Variants in ASTN2 observed in about 807,000 individuals in gnomAD.
ASTN2 encodes astrotactin 2.
In ASTN2, 54 loss-of-function variants were observed where a neutral mutation model predicts 139.8. That is an observed-to-expected ratio of 0.39 (90% CI 0.31 to 0.48). The LOEUF is 0.48. ASTN2 is among the 20% of genes least tolerant of loss of function. ASTN2 has a pLI of 0.95. For missense variants in ASTN2, 1,565 were observed against 1,725.1 expected (o/e 0.91, Z 1.64); for synonymous variants, 756 against 719.5 (o/e 1.05, Z -0.81).
rs374160917 is a variant in ASTN2, at chr9:116,629,148, C to T, written c.3073-8705G>A. ...TTTTTTTTTTTTTGAGACGGAGTCT[C>T]GCTCTGTTGCCCAGGCTGGAGTGCA... On this transcript the variant is annotated intron_variant, in intron 17 of 22. Coordinates refer to ENST00000313400, the MANE Select transcript of ASTN2 (RefSeq NM_001365068.1). Among the ~76,000 whole-genome samples the T allele has an allele frequency of 1.5e-3, 203 of 137,016 alleles. 2 individuals are homozygous for T. The highest frequency in any genetic ancestry group is 6.2e-3 in the South Asian group (27 of 4,348). The allele number at this position is 137,016 out of a possible 152,430, so 89.9% of individuals were successfully genotyped here.
rs748745520 is a variant in ASTN2 at position 116,863,654 on chromosome 9, G to A, written c.1969C>T (p.Arg657Trp). Residue 657 changes from arginine to tryptophan, a missense_variant, in exon 11 of 23, where the codon CGG becomes TGG. By Grantham distance (101) the Arg-to-Trp change is moderately radical. This residue lies in a region of ASTN2 where 503 missense variants were observed against 591.7 expected (regional missense o/e 0.85). Transcript: ENST00000313400. ...SSFGPVRDCS[R>W]NNGGCTRNFK... ...TTGCGAGTGCAGCCCCCATTGTTCC[G>A]AGAGCAGTCACGAACTGGCCCGAAG... 3.9e-5 allele frequency: 63 copies of A among 1,614,030 alleles called. No homozygotes were observed. Among genetic ancestry groups the A allele is most frequent in the Non-Finnish European group, 4.7e-5 (56 of 1,180,028 alleles).
At chr9:117,272,036 G>T (rs546226225) in intron 2 of ASTN2, among the ~76,000 whole-genome samples, 1 of 152,156 alleles carries the variant, frequency 6.6e-6, no homozygotes, top group East Asian at 1.9e-4. Flanking sequence ...CCAACCCCAC[G>T]TTTCTCTTCC....
chr9:116,744,691 T>C (rs1436452421), intron 13 of ASTN2, among the ~76,000 whole-genome samples: 2 of 152,172 alleles, frequency 1.3e-5, no homozygotes, highest in Admixed American at 6.5e-5. Context: ...CATGCTCCTG[T>C]GCTGACTCCA....
chr9:116,549,006 G>A (rs926165869), intron 19 of ASTN2, among the ~76,000 whole-genome samples: 1 of 152,152 alleles, frequency 6.6e-6, no homozygotes. Flanking sequence ...CTTCTAGAAG[G>A]AGAAATTCTG....
intron 13 of ASTN2, among the ~76,000 whole-genome samples, chr9:116,804,399 T>C (rs2132244686): frequency 6.6e-6 from 1 of 152,240 alleles, no homozygotes; most frequent in African/African-American, 2.4e-5. Flanking sequence ...TGAAATTATC[T>C]TGGCTCTCCT....
At chr9:117,318,256 G>A (rs1828210362) in intron 1 of ASTN2, among the ~76,000 whole-genome samples, 1 of 152,072 alleles carries the variant, frequency 6.6e-6, no homozygotes, top group African/African-American at 2.4e-5. Context: ...CTGTAATATG[G>A]GGACACTGAT....
intron 16 of ASTN2, among the ~76,000 whole-genome samples, chr9:116,688,634 C>T (rs894088124): frequency 6.8e-6 from 1 of 146,424 alleles, no homozygotes; most frequent in Non-Finnish European, 1.6e-5. Context: ...TTCTGACCAC[C>T]GGTCCCCCGG....
intron 16 of ASTN2, among the ~76,000 whole-genome samples, chr9:116,725,297 G>T (rs1198726712): frequency 6.6e-6 from 1 of 152,072 alleles, no homozygotes; most frequent in Non-Finnish European, 1.5e-5. Flanking sequence ...CCACAGGACA[G>T]AATGGAAACC....
intron 2 of ASTN2, among the ~76,000 whole-genome samples, chr9:117,218,313 A>T (rs77646969): frequency 6.6e-6 from 1 of 152,168 alleles, no homozygotes; most frequent in Non-Finnish European, 1.5e-5. Context: ...CCTTTAGGGC[A>T]CAGGTTCATT....
At chr9:116,731,781 C>T (rs1246202182) in intron 14 of ASTN2, among the ~76,000 whole-genome samples, 6 of 152,202 alleles carry the variant, frequency 3.9e-5, no homozygotes, top group African/African-American at 1.4e-4. Context: ...TGTCCAAGGA[C>T]ATACCAGGAT....
chr9:116,813,016 T>G (rs972864764), intron 12 of ASTN2, among the ~76,000 whole-genome samples: 2 of 151,706 alleles, frequency 1.3e-5, no homozygotes, highest in Admixed American at 6.6e-5. Flanking sequence ...AGTTGTTGGG[T>G]TTTTTTTAAA....
intron 19 of ASTN2, among the ~76,000 whole-genome samples, chr9:116,514,876 T>C (rs1850573946): frequency 6.6e-6 from 1 of 152,136 alleles, no homozygotes; most frequent in Non-Finnish European, 1.5e-5. Context: ...GTGATCCGAT[T>C]TTCCAGGTGC....
At chr9:117,312,184 T>C (rs1032956094) in intron 1 of ASTN2, among the ~76,000 whole-genome samples, 3 of 152,200 alleles carry the variant, frequency 2.0e-5, no homozygotes, top group African/African-American at 7.2e-5. Flanking sequence ...TTGTTGCTAA[T>C]ATATTCAGGA....
At chr9:117,363,968 T>A (rs1178318909) in intron 1 of ASTN2, among the ~76,000 whole-genome samples, 1 of 152,220 alleles carries the variant, frequency 6.6e-6, no homozygotes, top group South Asian at 2.1e-4. Flanking sequence ...TGTATCCACC[T>A]GTCTAAACGT....
chr9:117,087,660 G>A (rs1344509238), intron 5 of ASTN2, among the ~76,000 whole-genome samples: 2 of 152,156 alleles, frequency 1.3e-5, no homozygotes, highest in African/African-American at 2.4e-5. Flanking sequence ...GGATGCACTC[G>A]GCTAAGCATT....
At chr9:116,454,324 G>A (rs930462410) in intron 20 of ASTN2, among the ~76,000 whole-genome samples, 12 of 151,940 alleles carry the variant, frequency 7.9e-5, no homozygotes, top group Non-Finnish European at 1.2e-4. Context: ...ATAGATAATA[G>A]AGATATCTAT....
intron 1 of ASTN2, among the ~76,000 whole-genome samples, chr9:117,303,210 T>G (rs182160519): frequency 6.0e-4 from 92 of 152,302 alleles, no homozygotes; most frequent in Non-Finnish European, 8.7e-4. Context: ...TTTTATCTCC[T>G]CTGTGTCCTT....
rs183793226 is a variant in ASTN2 at position 116,580,448 on chromosome 9, G to C, written c.3355+37876C>G. On this transcript the variant is annotated intron_variant, in intron 19 of 22. Transcript: ENST00000313400. ...CATTGATCAGGGGTTATTAGAATCTGGGGTGAGAAAAGGGGAGCAGAAGAC... is the reference window on the plus strand; with the variant it reads ...CATTGATCAGGGGTTATTAGAATCTCGGGTGAGAAAAGGGGAGCAGAAGAC... 6.0e-4 allele frequency among the ~76,000 whole-genome samples: 92 copies of C among 152,266 alleles called. 2 individuals carry two copies. The highest frequency in any genetic ancestry group is 5.9e-3 in the Admixed American group (91 of 15,296).
At chr9:117,062,194 C>T (rs902916808) in intron 5 of ASTN2, among the ~76,000 whole-genome samples, 2 of 152,120 alleles carry the variant, frequency 1.3e-5, no homozygotes, top group East Asian at 1.9e-4. Flanking sequence ...GCCGGCCTGC[C>T]CTCAACACTG....
Sources: allele counts gnomAD v4.1 joint callset (sites outside exome capture counted in the v4.1 genomes callset), GRCh38; gene constraint gnomAD v4.1.1; regional missense constraint gnomAD v4.1.1; transcripts MANE v1.5; gene names NCBI Gene and HGNC (gene_info 2026-07-23, HGNC 2026-07-21).